TCL1B: variants seen among roughly 807,000 people sequenced by gnomAD.
The protein encoded by TCL1B is T-cell leukemia/lymphoma protein 1B.
Under a neutral mutation model 16.9 loss-of-function variants are expected in TCL1B, and 14 were observed. That is an observed-to-expected ratio of 0.83 (90% CI 0.55 to 1.30). The LOEUF (loss-of-function observed/expected upper bound fraction) is 1.30, where lower values mean the gene tolerates loss of function less well. Among genes scored for constraint, TCL1B ranks in the 50% most tolerant of loss-of-function variants. The pLI, the probability that TCL1B is intolerant of heterozygous loss-of-function variation, is 0.00. For synonymous variants in TCL1B, 79 were observed against 66.6 expected (o/e 1.19, Z -0.91); for missense variants, 166 against 165.2 (o/e 1.00, Z -0.03).
chr14:95,690,297 C>A (rs1885850625), intron 1 of TCL1B, among the ~76,000 whole-genome samples: 1 of 152,216 alleles, frequency 6.6e-6, no homozygotes, highest in Non-Finnish European at 1.5e-5. Context: ...CCACTGCTCC[C>A]AGCCTTATTT....
intron 3 of TCL1B, chr14:95,691,556 A>G: frequency 2.1e-6 from 1 of 479,454 alleles, no homozygotes; most frequent in Non-Finnish European, 3.7e-6. Context: ...CTCATCGAAT[A>G]AGACTCATCA....
At position 95,686,494 on chromosome 14, in the gene TCL1B, A is replaced by AG; in HGVS notation, c.31dup (p.Val11GlyfsTer17). The AG allele has an allele frequency of 6.2e-7, 1 of 1,610,408 alleles. No homozygotes were observed. The highest frequency in any genetic ancestry group is 8.5e-7 in the Non-Finnish European group (1 of 1,178,084). On this transcript the variant is annotated frameshift_variant, in exon 1 of 4. Transcript: ENST00000340722. LOFTEE classifies it high-confidence loss of function. ...TGGCCTCCGAAGCTTCTGTGCGTCT[A>AG]GGGGTGCCCCCTGGCCGTCTGTGGA...
Position 95,690,904 on chromosome 14 carries a change from C to T in TCL1B, c.331C>T (p.Gln111Ter), listed in dbSNP as rs751113997. 6.2e-7 allele frequency: 1 copy of T among 1,613,032 alleles called. No individual in the cohort carries two copies. Among genetic ancestry groups the T allele is most frequent in the Admixed American group, 1.7e-5 (1 of 59,976 alleles). ...SSFWEIADHG[Q>*]IDSMEQLVLT... The stretch of plus-strand genomic sequence containing the variant: ...TTTCTGGGAAATAGCAGACCATGGC[C>T]AGGCAAGTGTGTGGTGGTTCTAGGT... Residue 111 changes from glutamine to a stop codon, truncating the protein, a stop_gained and splice_region_variant, in exon 2 of 4, where the codon CAG becomes TAG. Coordinates refer to ENST00000340722, the MANE Select transcript of TCL1B (RefSeq NM_004918.4). LOFTEE classifies it high-confidence loss of function.
At chr14:95,691,746 G>T in intron 3 of TCL1B, 185 bp from the exon 4 acceptor site, 1 of 189,230 alleles carries the variant, frequency 5.3e-6, no homozygotes, top group South Asian at 1.1e-4. Flanking sequence ...TGTGACGGTG[G>T]CCTTGGAGGA....
intron 1 of TCL1B, chr14:95,689,291 A>C (rs1048034578): frequency 1.3e-5 from 2 of 151,384 alleles, no homozygotes; most frequent in African/African-American, 2.4e-5. Context: ...CGTCTCAAAC[A>C]AAACAAAGCA....
Position 95,691,470 on chromosome 14 carries a change from C to G in TCL1B, c.*15+134C>G, listed in dbSNP as rs1218267874. ...ATTTTTCTTACATAGCCACCTGTCACCTCTGTTCCCCAGCCCCTTGGATGT... is the reference window on the plus strand; with the variant it reads ...ATTTTTCTTACATAGCCACCTGTCAGCTCTGTTCCCCAGCCCCTTGGATGT... On this transcript the variant is annotated intron_variant, in intron 3 of 3. Transcript: ENST00000340722. 5 of 738,166 alleles carry G rather than the reference C, an allele frequency of 6.8e-6. No homozygotes were observed. In the African/African-American group the frequency reaches 8.8e-5, roughly 13 times the overall value. 45.7% of individuals were successfully genotyped at this position (738,166 alleles called of 1,614,324 possible).
At chr14:95,690,620 G>A in intron 1 of TCL1B, 116 bp from the exon 2 acceptor site, 1 of 1,231,270 alleles carries the variant, frequency 8.1e-7, no homozygotes, top group Admixed American at 2.1e-5. Context: ...CTCTTGGTCT[G>A]GAATTCTGAA....
intron 1 of TCL1B, among the ~76,000 whole-genome samples, chr14:95,689,085 G>A (rs939025985): frequency 6.6e-6 from 1 of 152,248 alleles, no homozygotes; most frequent in South Asian, 2.1e-4. Flanking sequence ...AGGAGATCGA[G>A]ACCATCCTGG....
intron 3 of TCL1B, 103 bp downstream of exon 3, chr14:95,691,439 G>A (rs2050508557): frequency 1.8e-6 from 2 of 1,115,638 alleles, no homozygotes; most frequent in Admixed American, 4.7e-5. Context: ...CCTGCTGTTT[G>A]CTGAGATTTT....
intron 1 of TCL1B, among the ~76,000 whole-genome samples, chr14:95,688,848 T>C (rs760244199): frequency 9.2e-5 from 14 of 152,222 alleles, no homozygotes; most frequent in Non-Finnish European, 1.9e-4. Context: ...GAATGGTAGC[T>C]GCCAGGGGCT....
rs1049668932 is a variant in TCL1B, at chr14:95,690,354, A to G, written c.163-382A>G. 2.9e-4 allele frequency among the ~76,000 whole-genome samples: 43 copies of G among 149,160 alleles called. 1 individual carries two copies. Among genetic ancestry groups the G allele is most frequent in the Admixed American group, 2.4e-3 (36 of 14,830 alleles). ...TGAAGGTCATGATCAGAACTGCCAT[A>G]TATTTTGGCGGGAAAATCTATCACC... On this transcript the variant is annotated intron_variant, in intron 1 of 3. Coordinates refer to ENST00000340722, the MANE Select transcript of TCL1B (RefSeq NM_004918.4).
chr14:95,686,752 A>T, intron 1 of TCL1B, 123 bp downstream of exon 1: 1 of 1,207,374 alleles, frequency 8.3e-7, no homozygotes, highest in Non-Finnish European at 1.1e-6. Flanking sequence ...ACTTCTGTGC[A>T]GGTCTAGGAG....
chr14:95,687,124 C>T (rs1167619809), intron 1 of TCL1B, among the ~76,000 whole-genome samples: 1 of 152,250 alleles, frequency 6.6e-6, no homozygotes, highest in African/African-American at 2.4e-5. Context: ...TAGTCACAGA[C>T]ATGCTCACAT....
chr14:95,686,930 G>T (rs1885775117), intron 1 of TCL1B, among the ~76,000 whole-genome samples: 1 of 152,230 alleles, frequency 6.6e-6, no homozygotes, highest in Admixed American at 6.5e-5. Flanking sequence ...GCCCACAAAT[G>T]GGGCAGCTAT....
rs777182475 is a variant in TCL1B at position 95,686,837 on chromosome 14, CAT to C, written c.162+209_162+210del. On this transcript the variant is annotated intron_variant, in intron 1 of 3. Coordinates refer to ENST00000340722, the MANE Select transcript of TCL1B (RefSeq NM_004918.4). ...GGGACCACAGGCACAAGCTTATCCA[CAT>C]GAGATAATGTGGTCCTGCGTGGTGA... Among the ~76,000 whole-genome samples the C allele has an allele frequency of 2.8e-4, 43 of 152,206 alleles. 2 individuals carry two copies. The highest frequency in any genetic ancestry group is 4.4e-5 in the Non-Finnish European group (3 of 68,040).
At chr14:95,691,203 C>A in intron 2 of TCL1B, 65 bp from the exon 3 acceptor site, 1 of 1,560,710 alleles carries the variant, frequency 6.4e-7, no homozygotes, top group Non-Finnish European at 8.7e-7. Flanking sequence ...CCTGCATGGG[C>A]GGCCGTTAAG....
chr14:95,690,569 C>T (rs943928619), intron 1 of TCL1B, among the ~76,000 whole-genome samples, 167 bp from the exon 2 acceptor site: 1 of 151,880 alleles, frequency 6.6e-6, no homozygotes, highest in Admixed American at 6.6e-5. Flanking sequence ...CCAGAAGGGC[C>T]CCAGCCATCC....
In TCL1B at chr14:95,690,807, G is replaced by A; in HGVS notation, c.234G>A (p.Gln78=). ...CCCGGGAGCTACTCTCCTCCGGCCA[G>A]ATGCCCTTCTCCCAGCTGCCCGCCG... The part of the protein sequence containing the change: ...VHTRELLSSG[Q]MPFSQLPAVW... The change falls in exon 2 of 4, where the codon CAG becomes CAA. Residue 78 remains glutamine, a synonymous_variant. Coordinates refer to ENST00000340722, the MANE Select transcript of TCL1B (RefSeq NM_004918.4). 6.2e-7 allele frequency: 1 copy of A among 1,614,246 alleles called. No homozygotes were observed. The highest frequency in any genetic ancestry group is 1.1e-5 in the South Asian group (1 of 91,080).
intron 1 of TCL1B, 109 bp downstream of exon 1, chr14:95,686,738 A>C: frequency 7.6e-7 from 1 of 1,319,242 alleles, no homozygotes; most frequent in Non-Finnish European, 1.0e-6. Flanking sequence ...GCACTGGAAA[A>C]CTCACTTCTG....
Sources: allele counts gnomAD v4.1 joint callset (sites outside exome capture counted in the v4.1 genomes callset), GRCh38; gene constraint gnomAD v4.1.1; transcripts MANE v1.5; gene names NCBI Gene and HGNC (gene_info 2026-07-23, HGNC 2026-07-21).